Variants in LRRTM3 observed in about 807,000 individuals in gnomAD.
LRRTM3 encodes the protein leucine-rich repeat transmembrane neuronal protein 3.
In LRRTM3, 24 loss-of-function variants were observed where a neutral mutation model predicts 44.7. The ratio of observed to expected loss-of-function variants is 0.54; its 90% CI spans 0.39 to 0.76. The LOEUF is 0.76. Among genes scored for constraint, LRRTM3 ranks in the 30% least tolerant of loss-of-function variants. The pLI is 0.00. For missense variants in LRRTM3, 587 were observed against 702.2 expected, an observed-to-expected ratio of 0.84 and a Z score of 1.85; for synonymous variants, 277 against 278.7, an observed-to-expected ratio of 0.99 and a Z score of 0.06.
chr10:67,014,652 A>C (rs1417076012), intron 2 of LRRTM3, among the ~76,000 whole-genome samples: 1 of 152,112 alleles, frequency 6.6e-6, no homozygotes, highest in Non-Finnish European at 1.5e-5. Context: ...GTAAGGCTGT[A>C]ATTTTTTAAA....
At chr10:67,054,108 C>A (rs1011639060) in intron 2 of LRRTM3, among the ~76,000 whole-genome samples, 1 of 152,114 alleles carries the variant, frequency 6.6e-6, no homozygotes, top group African/African-American at 2.4e-5. Flanking sequence ...TAGTATCCAT[C>A]GCTCCTTTAT....
At chr10:67,073,515 C>T (rs942449689) in intron 2 of LRRTM3, among the ~76,000 whole-genome samples, 3 of 151,808 alleles carry the variant, frequency 2.0e-5, no homozygotes, top group Non-Finnish European at 2.9e-5. Flanking sequence ...GTCAACATCC[C>T]TCTTAAACAA....
intron 2 of LRRTM3, among the ~76,000 whole-genome samples, chr10:66,945,643 AT>A (rs1478530069): frequency 6.6e-6 from 1 of 152,140 alleles, no homozygotes; most frequent in East Asian, 1.9e-4. Context: ...TTGGCTAGCT[AT>A]TTGGCAAAAG....
chr10:67,003,583 C>T (rs1242694219), intron 2 of LRRTM3, among the ~76,000 whole-genome samples: 1 of 152,156 alleles, frequency 6.6e-6, no homozygotes, highest in African/African-American at 2.4e-5. Context: ...AATATTTTAT[C>T]TACATTTAAC....
chr10:67,066,073 A>G (rs1217556157), intron 2 of LRRTM3, among the ~76,000 whole-genome samples: 4 of 151,992 alleles, frequency 2.6e-5, no homozygotes, highest in Non-Finnish European at 5.9e-5. Context: ...TCTGTGTGAA[A>G]CTTTTAGTTC....
intron 2 of LRRTM3, among the ~76,000 whole-genome samples, chr10:67,044,482 A>G (rs529270779): frequency 1.2e-4 from 18 of 152,268 alleles, no homozygotes; most frequent in Admixed American, 7.2e-4. Flanking sequence ...TTTAAATGCA[A>G]TGTTAGAAAG....
chr10:66,935,569 A>G (rs187837970), intron 2 of LRRTM3, among the ~76,000 whole-genome samples: 4 of 152,126 alleles, frequency 2.6e-5, no homozygotes, highest in Admixed American at 1.3e-4. Context: ...CTAATATGGC[A>G]GAGGACATAT....
chr10:67,074,739 TTC>T (rs1856659953), intron 2 of LRRTM3, among the ~76,000 whole-genome samples: 1 of 152,156 alleles, frequency 6.6e-6, no homozygotes, highest in Non-Finnish European at 1.5e-5. Context: ...TCTGTGTAGA[TTC>T]TGTCTTATGC....
At position 66,986,763 on chromosome 10, in the gene LRRTM3, G is replaced by T. The variant is rs117988687; in HGVS notation, c.1536+58311G>T. The stretch of plus-strand genomic sequence containing the variant: ...AAAACAGAGATCATACTACCTATCT[G>T]CAGTTAACATGGCAGTTAAATAACA... On this transcript the variant is annotated intron_variant, in intron 2 of 2. Coordinates refer to ENST00000361320, the MANE Select transcript of LRRTM3 (RefSeq NM_178011.5). Among the ~76,000 whole-genome samples, 101 of 152,192 alleles carry T rather than the reference G, an allele frequency of 6.6e-4. 1 individual carries two copies. In the East Asian group the frequency reaches 0.017, roughly 25 times the overall value.
At chr10:67,086,696 G>A (rs888483220) in intron 2 of LRRTM3, among the ~76,000 whole-genome samples, 1 of 151,902 alleles carries the variant, frequency 6.6e-6, no homozygotes, top group Non-Finnish European at 1.5e-5. Context: ...CCAATGTTCA[G>A]GGAAATCATA....
intron 2 of LRRTM3, among the ~76,000 whole-genome samples, chr10:67,027,927 AG>A (rs1853490511): frequency 1.3e-5 from 2 of 152,158 alleles, no homozygotes; most frequent in South Asian, 4.1e-4. Flanking sequence ...ATATTTGTAT[AG>A]TACTTTTTTG....
intron 2 of LRRTM3, among the ~76,000 whole-genome samples, chr10:66,962,407 TTTTTGTTTTTG>T (rs1270952064): frequency 4.8e-4 from 67 of 139,814 alleles, no homozygotes; most frequent in African/African-American, 1.8e-3. Context: ...TTGTTTTTTG[TTTTTGTTTTTG>T]TTTTTTTTTT....
In LRRTM3 at chr10:66,969,984, C is replaced by G. The variant is rs1053885093; in HGVS notation, c.1536+41532C>G. 1.8e-4 allele frequency among the ~76,000 whole-genome samples: 28 copies of G among 152,036 alleles called. 1 individual carries two copies. Among genetic ancestry groups the G allele is most frequent in the African/African-American group, 6.5e-4 (27 of 41,364 alleles). On this transcript the variant is annotated intron_variant, in intron 2 of 2. Transcript: ENST00000361320. ...ACTGACCTACCTCAGAGATTTCTCCCACATCATTATTACAAAGTACTATAA... is the reference window on the plus strand; with the variant it reads ...ACTGACCTACCTCAGAGATTTCTCCGACATCATTATTACAAAGTACTATAA...
chr10:66,971,246 T>C (rs1358937975), intron 2 of LRRTM3, among the ~76,000 whole-genome samples: 1 of 151,926 alleles, frequency 6.6e-6, no homozygotes, highest in Non-Finnish European at 1.5e-5. Flanking sequence ...ACCAACATAG[T>C]GAAACCCCGT....
chr10:67,046,814 C>T (rs990227009), intron 2 of LRRTM3, among the ~76,000 whole-genome samples: 1 of 152,020 alleles, frequency 6.6e-6, no homozygotes, highest in African/African-American at 2.4e-5. Flanking sequence ...AATGCATGGC[C>T]CATAATCGAA....
chr10:67,002,050 C>T lies in LRRTM3; in HGVS notation c.1536+73598C>T, dbSNP rs566737033. On this transcript the variant is annotated intron_variant, in intron 2 of 2. Coordinates refer to ENST00000361320, the MANE Select transcript of LRRTM3 (RefSeq NM_178011.5). Reference sequence around the variant, plus strand: ...GTCACCGTCTGGTTGACTGACCATACTCAAGCTTTATTAACTTTTAGGAGC... The same window carrying T: ...GTCACCGTCTGGTTGACTGACCATATTCAAGCTTTATTAACTTTTAGGAGC... Among the ~76,000 whole-genome samples the T allele has an allele frequency of 2.0e-4, 31 of 152,256 alleles. No homozygotes were observed. The East Asian group carries it at 3.9e-3, about 19-fold the overall frequency.
chr10:66,946,977 G>T (rs538427381), intron 2 of LRRTM3, among the ~76,000 whole-genome samples: 1 of 152,106 alleles, frequency 6.6e-6, no homozygotes, highest in African/African-American at 2.4e-5. Context: ...ATCTATTCAT[G>T]TACACAACCA....
intron 2 of LRRTM3, among the ~76,000 whole-genome samples, chr10:66,933,264 C>A (rs945231133): frequency 6.6e-6 from 1 of 152,232 alleles, no homozygotes; most frequent in African/African-American, 2.4e-5. Context: ...GGCACAGCTT[C>A]TTCCACCTCA....
At chr10:67,040,369 G>C (rs1854319334) in intron 2 of LRRTM3, among the ~76,000 whole-genome samples, 1 of 152,088 alleles carries the variant, frequency 6.6e-6, no homozygotes, top group Admixed American at 6.6e-5. Context: ...ACTAGGTAAA[G>C]ATTGTACTGG....
Sources: allele counts gnomAD v4.1 joint callset (sites outside exome capture counted in the v4.1 genomes callset), GRCh38; gene constraint gnomAD v4.1.1; transcripts MANE v1.5; gene names NCBI Gene and HGNC (gene_info 2026-07-23, HGNC 2026-07-21).